The following ZNF639 variants were observed in gnomAD, a reference collection of about 807,000 sequenced individuals.
The protein encoded by ZNF639 is zinc finger protein 639.
ZNF639 carries 20 observed loss-of-function variants against 39.8 expected under a neutral mutation model. The observed-to-expected ratio is 0.50, with a 90% CI of 0.35 to 0.73. ZNF639 has a LOEUF of 0.73. ZNF639 is among the 30% of genes least tolerant of loss of function. The pLI, the probability that ZNF639 is intolerant of heterozygous loss-of-function variation, is 0.00. For synonymous variants in ZNF639, 176 were observed against 189.8 expected (o/e 0.93, Z 0.60); for missense variants, 477 against 566.2 (o/e 0.84, Z 1.60).
rs750546088 is a variant in ZNF639 at position 179,336,783 on chromosome 3, A to G, written c.*2361A>G. Reference sequence around the variant, plus strand: ...CATAAACCTAACCTTTCTCCCTGGGATGTTTTTTGTGACTACTTCACCTAA... The same window carrying G: ...CATAAACCTAACCTTTCTCCCTGGGGTGTTTTTTGTGACTACTTCACCTAA... On this transcript the variant is annotated 3_prime_UTR_variant, in exon 6 of 6. Coordinates refer to ENST00000496856, the MANE Select transcript of ZNF639 (RefSeq NM_001303426.2). The G allele has an allele frequency of 6.6e-6, 1 of 152,194 alleles. No individual in the cohort carries two copies. Among genetic ancestry groups the G allele is most frequent in the Non-Finnish European group, 1.5e-5 (1 of 68,044 alleles). 9.4% of individuals were successfully genotyped at this position (152,194 alleles called of 1,614,324 possible).
chr3:179,335,837 C>G lies in ZNF639; in HGVS notation c.*1415C>G, dbSNP rs964302507. ...CAGAATTTCACTCTTGTCGCCCAGG[C>G]TGGAGTACAGTGGCGCGATCTCAGC... On this transcript the variant is annotated 3_prime_UTR_variant, in exon 6 of 6. Transcript: ENST00000496856. 6.0e-5 allele frequency: 9 copies of G among 149,626 alleles called. No individual in the cohort carries two copies. Among genetic ancestry groups the G allele is most frequent in the African/African-American group, 2.2e-4 (9 of 40,400 alleles). The allele number at this position is 149,626 out of a possible 1,614,324, so 9.3% of individuals were successfully genotyped here.
chr3:179,333,662 A>T lies in ZNF639; in HGVS notation c.698A>T (p.Asn233Ile), dbSNP rs769173248. The change falls in exon 6 of 6, where the codon AAT becomes ATT. Residue 233 changes from asparagine to isoleucine, a missense_variant. Transcript: ENST00000496856. ...MILKHKRTDSNVCRVCKESFS... is the reference protein window; with the variant it reads ...MILKHKRTDSIVCRVCKESFS... ...CTGAAGCATAAACGTACTGATTCAA[A>T]TGTGTGTCGAGTATGCAAGGAAAGT... 6.2e-7 allele frequency: 1 copy of T among 1,614,200 alleles called. No homozygotes were observed. Among genetic ancestry groups the T allele is most frequent in the Admixed American group, 1.7e-5 (1 of 60,026 alleles).
intron 1 of ZNF639, 121 bp from the exon 2 acceptor site, chr3:179,327,440 T>C (rs976324692): frequency 6.6e-6 from 1 of 152,234 alleles, no homozygotes; most frequent in Admixed American, 6.5e-5. Flanking sequence ...TTCAAAATAA[T>C]ATATCTTAAT....
rs1409892553 is a variant in ZNF639 at position 179,338,243 on chromosome 3, C to T, written c.*3821C>T. 6.6e-6 allele frequency: 1 copy of T among 152,196 alleles called. No individual in the cohort carries two copies. Among genetic ancestry groups the T allele is most frequent in the Admixed American group, 6.5e-5 (1 of 15,286 alleles). The allele number at this position is 152,196 out of a possible 1,614,324, so 9.4% of individuals were successfully genotyped here. On this transcript the variant is annotated 3_prime_UTR_variant, in exon 6 of 6. Coordinates refer to ENST00000496856, the MANE Select transcript of ZNF639 (RefSeq NM_001303426.2). ...TTACCTAACTGATGATGTTTATTAACACTTCAGTAGAATTCTTCGCAGCAG... is the reference window on the plus strand; with the variant it reads ...TTACCTAACTGATGATGTTTATTAATACTTCAGTAGAATTCTTCGCAGCAG...
chr3:179,334,541 T>A lies in ZNF639; in HGVS notation c.*119T>A, dbSNP rs1282111335. On this transcript the variant is annotated 3_prime_UTR_variant, in exon 6 of 6. Coordinates refer to ENST00000496856, the MANE Select transcript of ZNF639 (RefSeq NM_001303426.2). ...GAAATCTGCCTTTAACAAGTAACTT[T>A]TTTAAATTATAAAATTTTATTGGCA... 5 of 697,284 alleles carry A rather than the reference T, an allele frequency of 7.2e-6. No homozygotes were observed. The highest frequency in any genetic ancestry group is 1.1e-5 in the Non-Finnish European group (5 of 471,412). 43.2% of individuals were successfully genotyped at this position (697,284 alleles called of 1,614,324 possible).
intron 1 of ZNF639, among the ~76,000 whole-genome samples, chr3:179,326,280 G>A (rs1389728396): frequency 1.3e-5 from 2 of 152,140 alleles, no homozygotes; most frequent in Admixed American, 1.3e-4. Flanking sequence ...AGAATCGCTT[G>A]AGCTGGGGAG....
rs768244280 is a variant in ZNF639 at position 179,334,473 on chromosome 3, T to G, written c.*51T>G. On this transcript the variant is annotated 3_prime_UTR_variant, in exon 6 of 6. Transcript: ENST00000496856. ...TAGTTTAAAATAATAAATTCATCCT[T>G]TTTTTGGAGATGATTAAATGGATGA... 2.2e-6 allele frequency: 3 copies of G among 1,376,994 alleles called. No individual in the cohort carries two copies. The South Asian group carries it at 5.2e-5, about 24-fold the overall frequency. 85.3% of individuals were successfully genotyped at this position (1,376,994 alleles called of 1,614,324 possible).
At chr3:179,332,487 G>A (rs768977270) in intron 4 of ZNF639, among the ~76,000 whole-genome samples, 1 of 152,160 alleles carries the variant, frequency 6.6e-6, no homozygotes, top group Non-Finnish European at 1.5e-5. Context: ...GCTTGGTGGT[G>A]CATGTCTGTA....
In ZNF639 at chr3:179,323,222, C is replaced by T. The variant is rs1391881511; in HGVS notation, c.-152C>T. On this transcript the variant is annotated 5_prime_UTR_variant, in exon 1 of 6. Coordinates refer to ENST00000496856, the MANE Select transcript of ZNF639 (RefSeq NM_001303426.2). The stretch of plus-strand genomic sequence containing the variant: ...CGTCCGCGGGAAGGACCGCGCGGCC[C>T]CTCCGCCTGCGCTCTCGGCCGCCGC... The T allele has an allele frequency of 1.0e-6, 1 of 985,118 alleles. No individual in the cohort carries two copies. The highest frequency in any genetic ancestry group is 1.1e-4 in the East Asian group (1 of 8,740). The allele number at this position is 985,118 out of a possible 1,614,324, so 61.0% of individuals were successfully genotyped here.
chr3:179,333,879 C>T lies in ZNF639; in HGVS notation c.915C>T (p.Tyr305=), dbSNP rs771129439. 1.2e-6 allele frequency: 2 copies of T among 1,614,044 alleles called. No individual in the cohort carries two copies. The highest frequency in any genetic ancestry group is 1.7e-6 in the Non-Finnish European group (2 of 1,180,036). ...DVQFSSSSEL[Y]LHFQEHSCDE... ...AGTTCTCCTCAAGCAGTGAACTCTA[C>T]CTACATTTCCAGGAGCACAGCTGTG... The change falls in exon 6 of 6, where the codon TAC becomes TAT. Residue 305 remains tyrosine (Y), a synonymous_variant. Coordinates refer to ENST00000496856, the MANE Select transcript of ZNF639 (RefSeq NM_001303426.2).
rs999626384 is a variant in ZNF639 at position 179,338,288 on chromosome 3, A to G, written c.*3866A>G. ...CAGCAGTGAACAGTAGTGACAGGTC[A>G]TTATGTTTTTCTTGCTGTTTTAAAT... On this transcript the variant is annotated 3_prime_UTR_variant, in exon 6 of 6. Transcript: ENST00000496856. 1 of 152,182 alleles carries G rather than the reference A, an allele frequency of 6.6e-6. No individual in the cohort carries two copies. Among genetic ancestry groups the G allele is most frequent in the Non-Finnish European group, 1.5e-5 (1 of 68,036 alleles). 9.4% of individuals were successfully genotyped at this position (152,182 alleles called of 1,614,324 possible). A position where few individuals can be genotyped will look rare whatever the true frequency, so the allele number is the denominator to read the frequency against.
chr3:179,332,365 G>A (rs112593057), intron 4 of ZNF639, among the ~76,000 whole-genome samples: 5,746 of 152,328 alleles, frequency 0.038, 339 homozygotes, highest in African/African-American at 0.13. Context: ...GCTCACGCCT[G>A]TAATCCCAGG....
intron 3 of ZNF639, among the ~76,000 whole-genome samples, chr3:179,328,847 C>G (rs1727745402): frequency 1.3e-5 from 2 of 149,258 alleles, no homozygotes; most frequent in African/African-American, 5.0e-5. Flanking sequence ...GTGATGTCAG[C>G]TCACTGCAAC....
rs575417230 is a variant in ZNF639, at chr3:179,334,062, C to T, written c.1098C>T (p.Thr366=). Residue 366 remains threonine (T), a synonymous_variant, in exon 6 of 6, where the codon ACC becomes ACT. Transcript: ENST00000496856. ...AGTATAGCCTCTTAAGCAAAATTAC[C>T]TTTGACAAATGTAAAAACTTCTTTG... is the stretch of plus-strand genomic sequence containing the variant. ...HGQYSLLSKI[T]FDKCKNFFVC... is the part of the protein sequence containing the mutation. The T allele has an allele frequency of 6.2e-7, 1 of 1,613,604 alleles. No homozygotes were observed. The highest frequency in any genetic ancestry group is 1.7e-5 in the Admixed American group (1 of 59,944).
At chr3:179,331,393 C>A (rs1727896058) in intron 4 of ZNF639, among the ~76,000 whole-genome samples, 1 of 152,172 alleles carries the variant, frequency 6.6e-6, no homozygotes, top group Non-Finnish European at 1.5e-5. Context: ...TGTAGCTACT[C>A]CTCCCTCTAG....
In ZNF639 at chr3:179,338,505, T is replaced by C. The variant is rs558153645; in HGVS notation, c.*4083T>C. The C allele has an allele frequency of 6.6e-6, 1 of 152,322 alleles. No individual in the cohort carries two copies. Among genetic ancestry groups the C allele is most frequent in the Non-Finnish European group, 1.5e-5 (1 of 68,022 alleles). The allele number at this position is 152,322 out of a possible 1,614,324, so 9.4% of individuals were successfully genotyped here. A position where few individuals can be genotyped will look rare whatever the true frequency, so the allele number is the denominator to read the frequency against. On this transcript the variant is annotated 3_prime_UTR_variant, in exon 6 of 6. Coordinates refer to ENST00000496856, the MANE Select transcript of ZNF639 (RefSeq NM_001303426.2). ...TCAATTTCACAGTTTCTATAATCTA[T>C]TGTTTGCTGAATTGTTACAGTCTTT...
At chr3:179,323,660 T>C (rs1432335775) in intron 1 of ZNF639, 1 of 152,470 alleles carries the variant, frequency 6.6e-6, no homozygotes, top group Non-Finnish European at 1.5e-5. Flanking sequence ...CGACGGGCAT[T>C]TGTCTGGCTG....
At chr3:179,326,556 C>T (rs1303558388) in intron 1 of ZNF639, among the ~76,000 whole-genome samples, 4 of 152,184 alleles carry the variant, frequency 2.6e-5, no homozygotes, top group African/African-American at 4.8e-5. Context: ...AGTATGTTCA[C>T]AGCCTGGTAC....
intron 1 of ZNF639, chr3:179,325,047 G>A (rs956385332): frequency 1.3e-5 from 2 of 152,146 alleles, no homozygotes; most frequent in Admixed American, 6.5e-5. Flanking sequence ...TTTAGACAGA[G>A]TTTCACTCCT....
Sources: gnomAD v4.1 joint callset for allele counts (sites outside exome capture counted in the v4.1 genomes callset) on GRCh38, gnomAD v4.1.1 for gene constraint, MANE v1.5 for transcripts, NCBI Gene and HGNC (gene_info 2026-07-23, HGNC 2026-07-21) for gene names.